The following KIFBP variants were observed in gnomAD, a reference collection of about 807,000 sequenced individuals.
KIFBP encodes the protein kinesin family binding protein, also known as KIF-binding protein.
Under a neutral mutation model 58.9 loss-of-function variants are expected in KIFBP, and 46 were observed. The ratio of observed to expected loss-of-function variants is 0.78; its 90% CI spans 0.62 to 1.00. The LOEUF (loss-of-function observed/expected upper bound fraction) is 1.00. Among genes scored for constraint, KIFBP ranks in the 50% least tolerant of loss-of-function variants. The probability of loss-of-function intolerance (pLI) is 0.00; values close to 1 mark genes in which losing one functional copy is unlikely to be tolerated. For synonymous variants in KIFBP, 241 were observed against 283.4 expected, an observed-to-expected ratio of 0.85 and a Z score of 1.50; for missense variants, 651 against 752.9, an observed-to-expected ratio of 0.86 and a Z score of 1.58.
intron 2 of KIFBP, among the ~76,000 whole-genome samples, chr10:69,001,985 C>T (rs1843471508): frequency 6.6e-6 from 1 of 151,802 alleles, no homozygotes; most frequent in Non-Finnish European, 1.5e-5. Flanking sequence ...GCCTGCGCAA[C>T]ACAGGAAGAC....
chr10:69,000,660 C>T (rs922628572), intron 2 of KIFBP, 138 bp downstream of exon 2: 6 of 683,654 alleles, frequency 8.8e-6, no homozygotes, highest in South Asian at 3.1e-5. Context: ...TGGGAAGTCA[C>T]CTCATAGCTG....
Position 69,015,879 on chromosome 10 carries a change from G to T in KIFBP, c.1329G>T (p.Arg443=), listed in dbSNP as rs1838995637. The T allele has an allele frequency of 6.2e-7, 1 of 1,614,120 alleles. No individual in the cohort carries two copies. Among genetic ancestry groups the T allele is most frequent in the Non-Finnish European group, 8.5e-7 (1 of 1,180,030 alleles). Residue 443 remains arginine (R), a synonymous_variant, in exon 7 of 7, where the codon CGG becomes CGT. Coordinates refer to ENST00000361983, the MANE Select transcript of KIFBP (RefSeq NM_015634.4). ...TCTTTGAAACTGACATGGAGAGACG[G>T]TGCAAGATGCATAAACGCAGAATAG... is the stretch of plus-strand genomic sequence containing the variant. ...LAFFETDMER[R]CKMHKRRIAM... is the part of the protein sequence containing the mutation.
At chr10:69,011,531 T>C (rs1052683049) in intron 6 of KIFBP, among the ~76,000 whole-genome samples, 5 of 151,704 alleles carry the variant, frequency 3.3e-5, no homozygotes, top group Non-Finnish European at 4.4e-5. Context: ...TACAGGCGTG[T>C]GCCACCATAT....
chr10:69,003,948 C>T (rs533718692), intron 2 of KIFBP, among the ~76,000 whole-genome samples: 19 of 152,156 alleles, frequency 1.2e-4, no homozygotes, highest in African/African-American at 3.6e-4. Flanking sequence ...GGGTCGGGCA[C>T]GGTGGCTTAC....
At chr10:69,011,929 G>A (rs938114356) in intron 6 of KIFBP, among the ~76,000 whole-genome samples, 1 of 151,636 alleles carries the variant, frequency 6.6e-6, no homozygotes, top group East Asian at 1.9e-4. Flanking sequence ...GACCTCAAGT[G>A]ATCCATCCAT....
At chr10:69,014,720 C>T (rs964242528) in intron 6 of KIFBP, among the ~76,000 whole-genome samples, 2 of 140,622 alleles carry the variant, frequency 1.4e-5, no homozygotes, top group African/African-American at 5.6e-5. Context: ...TTATTTGCCC[C>T]CCCCCACCCC....
chr10:69,002,477 C>G (rs537596925), intron 2 of KIFBP, among the ~76,000 whole-genome samples: 1 of 151,704 alleles, frequency 6.6e-6, no homozygotes, highest in African/African-American at 2.4e-5. Context: ...GGCATTTTAA[C>G]TTTCTTCCTG....
chr10:69,000,430 C>G lies in KIFBP; in HGVS notation c.433C>G (p.Leu145Val). 6.3e-7 allele frequency: 1 copy of G among 1,598,562 alleles called. No homozygotes were observed. Among genetic ancestry groups the G allele is most frequent in the Non-Finnish European group, 8.6e-7 (1 of 1,166,120 alleles). Residue 145 changes from leucine to valine, a missense_variant, in exon 2 of 7, where the codon CTG (leucine) becomes GTG (valine). Leu to Val is a conservative substitution (Grantham distance 32, BLOSUM62 1). Coordinates refer to ENST00000361983, the MANE Select transcript of KIFBP (RefSeq NM_015634.4). ...ISLCIQAQNN[L>V]GILWSEREEI... ...CTTTTTCTTTATTTTCCAGAATAACCTGGGTATCTTGTGGTCTGAAAGAGA... is the reference window on the plus strand; with the variant it reads ...CTTTTTCTTTATTTTCCAGAATAACGTGGGTATCTTGTGGTCTGAAAGAGA...
At chr10:69,011,287 A>T (rs1843586926) in intron 6 of KIFBP, 3 of 321,842 alleles carry the variant, frequency 9.3e-6, no homozygotes, top group Admixed American at 8.9e-5. Context: ...AATAAATAAA[A>T]TAAATCTTAC....
Position 69,000,542 on chromosome 10 carries a change from A to T in KIFBP, c.525+20A>T, listed in dbSNP as rs750757620. ...AAAGAGGTATGTTACATGTCAGATGAGTTTTAAGTTTTGATTGAAACTAGT... is the reference window on the plus strand; with the variant it reads ...AAAGAGGTATGTTACATGTCAGATGTGTTTTAAGTTTTGATTGAAACTAGT... On this transcript the variant is annotated intron_variant, in intron 2 of 6. Transcript: ENST00000361983. 1.4e-6 allele frequency: 2 copies of T among 1,416,704 alleles called. No homozygotes were observed. Among genetic ancestry groups the T allele is most frequent in the South Asian group, 2.3e-5 (2 of 87,098 alleles). 87.8% of individuals were successfully genotyped at this position (1,416,704 alleles called of 1,614,324 possible).
chr10:69,015,544 A>G lies in KIFBP; in HGVS notation c.994A>G (p.Asn332Asp), dbSNP rs1838985822. Reference sequence around the variant, plus strand: ...AATTTATTTTTTTTTCCTTCAGGACAACATAGGAGAGCTTGATCTTGATAA... The same window carrying G: ...AATTTATTTTTTTTTCCTTCAGGACGACATAGGAGAGCTTGATCTTGATAA... The part of the protein sequence containing the change: ...MQNAQLSMQD[N>D]IGELDLDKQS... The change falls in exon 7 of 7, where the codon AAC becomes GAC. Residue 332 changes from asparagine to aspartate, a missense_variant. By Grantham distance (23) the Asn-to-Asp change is conservative. Coordinates refer to ENST00000361983, the MANE Select transcript of KIFBP (RefSeq NM_015634.4). The G allele has an allele frequency of 6.2e-7, 1 of 1,613,370 alleles. No homozygotes were observed.
intron 1 of KIFBP, among the ~76,000 whole-genome samples, chr10:68,997,005 A>G (rs1344796745): frequency 6.6e-6 from 1 of 152,208 alleles, no homozygotes; most frequent in African/African-American, 2.4e-5. Flanking sequence ...GAAAAATAAA[A>G]TAAAAGTGAT....
intron 1 of KIFBP, chr10:68,989,512 G>A (rs1450360585): frequency 1.4e-5 from 8 of 575,246 alleles, no homozygotes; most frequent in Non-Finnish European, 2.5e-5. Flanking sequence ...CACCAATATC[G>A]CTTGCTGCTG....
intron 2 of KIFBP, among the ~76,000 whole-genome samples, chr10:69,001,276 A>AATCCG (rs1486286167): frequency 6.6e-6 from 1 of 152,168 alleles, no homozygotes; most frequent in Non-Finnish European, 1.5e-5. Flanking sequence ...GATGCTGTAG[A>AATCCG]ACTTTTAGGG....
At chr10:68,995,688 C>T (rs1223002547) in intron 1 of KIFBP, among the ~76,000 whole-genome samples, 1 of 152,152 alleles carries the variant, frequency 6.6e-6, no homozygotes, top group African/African-American at 2.4e-5. Context: ...TGGTGTTAAA[C>T]TTCATTACAT....
intron 1 of KIFBP, among the ~76,000 whole-genome samples, chr10:68,990,095 T>C (rs1448206637): frequency 6.6e-6 from 1 of 152,250 alleles, no homozygotes; most frequent in Non-Finnish European, 1.5e-5. Context: ...TCTTCCCCAT[T>C]CTTGAAAACC....
rs1347245638 is a variant in KIFBP at position 68,989,272 on chromosome 10, C to T, written c.426+14C>T. On this transcript the variant is annotated intron_variant, in intron 1 of 6. Coordinates refer to ENST00000361983, the MANE Select transcript of KIFBP (RefSeq NM_015634.4). ...ATCCAGGCGCAGGTGAGAGCGAGCCCGGCCAGGCCGGCCCCTGTTGGCAAA... is the reference window on the plus strand; with the variant it reads ...ATCCAGGCGCAGGTGAGAGCGAGCCTGGCCAGGCCGGCCCCTGTTGGCAAA... 3 of 1,610,984 alleles carry T rather than the reference C, an allele frequency of 1.9e-6. No individual in the cohort carries two copies. Among genetic ancestry groups the T allele is most frequent in the Admixed American group, 3.3e-5 (2 of 59,830 alleles).
At chr10:69,011,214 C>G (rs987181036) in intron 6 of KIFBP, 199 bp downstream of exon 6, 38 of 543,874 alleles carry the variant, frequency 7.0e-5, no homozygotes, top group Non-Finnish European at 1.1e-4. Context: ...GCTGCGTGAG[C>G]CGAGATTGGA....
chr10:68,997,302 C>T (rs1843417145), intron 1 of KIFBP, among the ~76,000 whole-genome samples: 1 of 152,124 alleles, frequency 6.6e-6, no homozygotes, highest in African/African-American at 2.4e-5. Context: ...CTCTGTGTCC[C>T]CACCCAAATC....
Sources: gnomAD v4.1 joint callset for allele counts (sites outside exome capture counted in the v4.1 genomes callset) on GRCh38, gnomAD v4.1.1 for gene constraint, MANE v1.5 for transcripts, NCBI Gene and HGNC (gene_info 2026-07-23, HGNC 2026-07-21) for gene names.